The following SLC6A16 variants were observed in gnomAD, a reference collection of about 807,000 sequenced individuals.
The protein encoded by SLC6A16 is solute carrier family 6 member 16, also known as orphan sodium- and chloride-dependent neurotransmitter transporter NTT5.
A neutral mutation model predicts 65.4 loss-of-function variants in SLC6A16; 54 were observed. The observed-to-expected ratio is 0.83, with a 90% confidence interval of 0.66 to 1.04. SLC6A16 has a LOEUF of 1.04. SLC6A16 is among the 50% of genes least tolerant of loss of function. The probability of loss-of-function intolerance (pLI) is 0.00; values close to 1 mark genes in which losing one functional copy is unlikely to be tolerated. For missense variants in SLC6A16, 816 were observed against 914.0 expected, an observed-to-expected ratio of 0.89 and a Z score of 1.38; for synonymous variants, 330 against 346.5, an observed-to-expected ratio of 0.95 and a Z score of 0.53.
intron 8 of SLC6A16, 143 bp downstream of exon 8, chr19:49,294,224 A>G: frequency 1.1e-6 from 1 of 927,080 alleles, no homozygotes; most frequent in East Asian, 2.6e-5. Flanking sequence ...CCATTCCGCA[A>G]AGTATAGTAC....
the SLC6A16 span, chr19:49,338,679 T>A: frequency 4.7e-5 from 74 of 1,574,896 alleles, no homozygotes; most frequent in African/African-American, 9.4e-4. This position sits in a 1 kb window ranked among gnomAD's most constrained non-coding sequence, Gnocchi z 5.0. Context: ...CCGGTCCCTC[T>A]GACTCGTATC....
At chr19:49,339,975 G>A in the SLC6A16 span, 1 of 1,425,344 alleles carries the variant, frequency 7.0e-7, no homozygotes, top group South Asian at 1.5e-5. This position sits in a 1 kb window ranked among gnomAD's most constrained non-coding sequence, Gnocchi z 4.5. Context: ...AGGCAGAGGG[G>A]GAAGACAGAT....
the SLC6A16 span, chr19:49,339,439 G>C: frequency 1.2e-6 from 2 of 1,604,006 alleles, no homozygotes; most frequent in East Asian, 4.5e-5. The surrounding 1 kb of genome is among the most constrained non-coding windows in gnomAD (Gnocchi z 4.5). Context: ...CCCCACCCGC[G>C]ATCGGCCCTA....
chr19:49,330,233 T>G, the SLC6A16 span, among the ~76,000 whole-genome samples: 691 of 152,310 alleles, frequency 4.5e-3, 3 homozygotes, highest in African/African-American at 0.016. Flanking sequence ...AGTTTCGTTT[T>G]GGGCGTGTTA....
At chr19:49,304,365 C>G (rs987431037) in intron 7 of SLC6A16, among the ~76,000 whole-genome samples, 2 of 152,254 alleles carry the variant, frequency 1.3e-5, no homozygotes, top group African/African-American at 4.8e-5. Flanking sequence ...ATCTGCCCAA[C>G]AAACGCCTAT....
rs1406081802 is a variant in SLC6A16 at position 49,309,106 on chromosome 19, C to T, written c.999G>A (p.Val333=). The part of the protein sequence containing the change: ...QQLVVAKISD[V]YNMSVWSLAG... Reference sequence around the variant, plus strand: ...CTAGAGACCACACACTCATATTGTACACATCCGATATCTAAAAGAGAGAAG... The same window carrying T: ...CTAGAGACCACACACTCATATTGTATACATCCGATATCTAAAAGAGAGAAG... Residue 333 remains valine, a synonymous_variant, in exon 7 of 12, where the codon GTG becomes GTA. Coordinates refer to ENST00000335875, the MANE Select transcript of SLC6A16 (RefSeq NM_014037.3). 1 of 1,614,102 alleles carries T rather than the reference C, an allele frequency of 6.2e-7. No homozygotes were observed. Among genetic ancestry groups the T allele is most frequent in the East Asian group, 2.2e-5 (1 of 44,882 alleles).
At chr19:49,309,869 C>A (rs769928300) in intron 4 of SLC6A16, 43 bp from the exon 5 acceptor site, 1 of 1,595,726 alleles carries the variant, frequency 6.3e-7, no homozygotes. Context: ...GACAAGGTAC[C>A]CCCTCTTCTT....
intron 7 of SLC6A16, among the ~76,000 whole-genome samples, chr19:49,299,239 C>A (rs1376127918): frequency 6.8e-6 from 1 of 146,170 alleles, no homozygotes; most frequent in Non-Finnish European, 1.5e-5. Context: ...GAGCGAGACT[C>A]CGTCTCAAAA....
At chr19:49,328,009 T>C (rs1281764293), upstream of SLC6A16, among the ~76,000 whole-genome samples, 1 of 152,192 alleles carries the variant, frequency 6.6e-6, no homozygotes, top group African/African-American at 2.4e-5. Flanking sequence ...TTTCTTTTTT[T>C]TCTGGGTGAG....
Position 49,290,035 on chromosome 19 carries a change from A to G in SLC6A16, c.*88T>C. 1 of 1,379,936 alleles carries G rather than the reference A, an allele frequency of 7.2e-7. No homozygotes were observed. The highest frequency in any genetic ancestry group is 1.0e-6 in the Non-Finnish European group (1 of 1,004,182). 85.5% of individuals were successfully genotyped at this position (1,379,936 alleles called of 1,614,324 possible). A position where few individuals can be genotyped will look rare whatever the true frequency, so the allele number is the denominator to read the frequency against. ...TGGAAATAAAAGTGGTTCTGGATCC[A>G]GGGAGATCAACAGTTGCAAGCTGAT... On this transcript the variant is annotated 3_prime_UTR_variant, in exon 12 of 12. Transcript: ENST00000335875.
intron 1 of SLC6A16, among the ~76,000 whole-genome samples, chr19:49,320,281 G>A (rs564181480): frequency 6.3e-4 from 96 of 152,040 alleles, no homozygotes; most frequent in South Asian, 2.1e-4. Context: ...GGTGGTGGGC[G>A]CCTGTAATCC....
upstream of SLC6A16, among the ~76,000 whole-genome samples, chr19:49,327,670 TAGAA>T (rs756373058): frequency 2.0e-5 from 3 of 152,282 alleles, no homozygotes; most frequent in Middle Eastern, 3.4e-3. Context: ...AATGCCTAAA[TAGAA>T]AGAATTTCAG....
intron 1 of SLC6A16, among the ~76,000 whole-genome samples, chr19:49,322,769 C>T (rs1009414033): frequency 6.8e-5 from 9 of 131,528 alleles, no homozygotes; most frequent in African/African-American, 2.5e-4. Context: ...TGGAAGACAA[C>T]ACTGTTAAGA....
chr19:49,332,556 T>TCAAAAA, the SLC6A16 span, among the ~76,000 whole-genome samples: 2,626 of 152,134 alleles, frequency 0.017, 73 homozygotes, highest in African/African-American at 0.053. Flanking sequence ...AGGCTCTGTC[T>TCAAAAA]CAAAAACAAA....
At chr19:49,310,546 T>G in intron 2 of SLC6A16, 36 bp from the exon 3 acceptor site, 1 of 1,613,074 alleles carries the variant, frequency 6.2e-7, no homozygotes, top group Non-Finnish European at 8.5e-7. Flanking sequence ...CTGAGAACCA[T>G]GTGGCCTTTC....
chr19:49,309,284 G>A lies in SLC6A16; in HGVS notation c.987+17C>T, dbSNP rs1970459869. On this transcript the variant is annotated intron_variant, in intron 6 of 11. Coordinates refer to ENST00000335875, the MANE Select transcript of SLC6A16 (RefSeq NM_014037.3). The stretch of plus-strand genomic sequence containing the variant: ...GCCCTACAAGGCCTGACGGGGGAGT[G>A]AGGAGATAGATTTCACCTTGGCAAC... 6 of 1,596,208 alleles carry A rather than the reference G, an allele frequency of 3.8e-6. No homozygotes were observed. The highest frequency in any genetic ancestry group is 2.2e-5 in the East Asian group (1 of 44,796).
the SLC6A16 span, among the ~76,000 whole-genome samples, chr19:49,330,284 G>C: frequency 3.9e-5 from 6 of 152,186 alleles, no homozygotes; most frequent in African/African-American, 1.4e-4. Context: ...CAGAGGTTAA[G>C]TTGTCCTTCA....
chr19:49,321,048 G>T (rs1190392229), intron 1 of SLC6A16, among the ~76,000 whole-genome samples: 1 of 151,906 alleles, frequency 6.6e-6, no homozygotes, highest in East Asian at 1.9e-4. Context: ...GCCATACAAA[G>T]ACATTATAAG....
the SLC6A16 span, chr19:49,340,103 A>C: frequency 6.5e-7 from 1 of 1,535,394 alleles, no homozygotes; most frequent in Non-Finnish European, 8.7e-7. Context: ...GTTCCCGTCG[A>C]GCCCCGCCCT....
Sources: allele counts gnomAD v4.1 joint callset (sites outside exome capture counted in the v4.1 genomes callset), GRCh38; gene constraint gnomAD v4.1.1; non-coding constraint Gnocchi (gnomAD v3.1); transcripts MANE v1.5; gene names NCBI Gene and HGNC (gene_info 2026-07-23, HGNC 2026-07-21).